Variants in HAPLN4 observed in about 807,000 individuals in gnomAD.
The protein encoded by HAPLN4 is hyaluronan and proteoglycan link protein 4.
A neutral mutation model predicts 28.0 loss-of-function variants in HAPLN4; 19 were observed. The observed-to-expected ratio is 0.68, with a 90% CI of 0.47 to 1.00. The LOEUF (loss-of-function observed/expected upper bound fraction) is 1.00, where lower values mean the gene tolerates loss of function less well. Among genes scored for constraint, HAPLN4 ranks in the 50% least tolerant of loss-of-function variants. The probability of loss-of-function intolerance (pLI) is 0.00; values close to 1 mark genes in which losing one functional copy is unlikely to be tolerated. For synonymous variants in HAPLN4, 274 were observed against 273.0 expected, an observed-to-expected ratio of 1.00 and a Z score of -0.03; for missense variants, 587 against 602.6, an observed-to-expected ratio of 0.97 and a Z score of 0.27.
chr19:19,262,741 C>T lies in HAPLN4; in HGVS notation c.-9G>A. 1 of 1,608,486 alleles carries T rather than the reference C, an allele frequency of 6.2e-7. No individual in the cohort carries two copies. The highest frequency in any genetic ancestry group is 8.5e-7 in the Non-Finnish European group (1 of 1,176,882). On this transcript the variant is annotated 5_prime_UTR_variant, in exon 1 of 5. Transcript: ENST00000291481. The stretch of plus-strand genomic sequence containing the variant: ...GCAGCCCCACTTACCATCTTGCCCG[C>T]GCGGCCCCCGCCGAGCGGCCCCTAC...
rs1345284860 is a variant in HAPLN4 at position 19,256,209 on chromosome 19, C to G, written c.*1608G>C. ...CAGGGCACGCCATAGGCTCGGTTTC[C>G]TCATTTGTAGGACGACGACAAACAT... On this transcript the variant is annotated 3_prime_UTR_variant, in exon 5 of 5. Transcript: ENST00000291481. 6.6e-6 allele frequency: 1 copy of G among 152,192 alleles called. No homozygotes were observed. The highest frequency in any genetic ancestry group is 2.4e-5 in the African/African-American group (1 of 41,428). The allele number at this position is 152,192 out of a possible 1,614,324, so 9.4% of individuals were successfully genotyped here.
intron 3 of HAPLN4, among the ~76,000 whole-genome samples, chr19:19,259,884 A>G (rs2060977656): frequency 6.6e-6 from 1 of 152,212 alleles, no homozygotes; most frequent in South Asian, 2.1e-4. Context: ...GGGTGAGCCA[A>G]TCAGAGCATC....
chr19:19,259,680 C>T (rs2060977174), intron 3 of HAPLN4, among the ~76,000 whole-genome samples: 1 of 152,162 alleles, frequency 6.6e-6, no homozygotes, highest in African/African-American at 2.4e-5. Context: ...CCTGAGAACT[C>T]TTCAACTAAG....
At position 19,260,903 on chromosome 19, in the gene HAPLN4, T is replaced by A. The variant is rs1296711944; in HGVS notation, c.394A>T (p.Asn132Tyr). 5 of 1,613,992 alleles carry A rather than the reference T, an allele frequency of 3.1e-6. No individual in the cohort carries two copies. The highest frequency in any genetic ancestry group is 4.2e-6 in the Non-Finnish European group (5 of 1,180,036). ...GPGDASLVLR[N>Y]VTLQDYGRYE... ...CGCCCGTAGTCTTGCAGCGTGACGT[T>A]GCGGAGGACCAGGGAGGCATCCCCA... The change falls in exon 3 of 5, where the codon AAC becomes TAC. Residue 132 changes from asparagine to tyrosine, a missense_variant. Physicochemically the swap from Asn to Tyr is moderately radical, Grantham distance 143 (BLOSUM62 -2). Transcript: ENST00000291481.
At chr19:19,261,414 G>A in intron 2 of HAPLN4, 32 bp downstream of exon 2, 10 of 1,573,594 alleles carry the variant, frequency 6.4e-6, no homozygotes, top group South Asian at 1.1e-5. Flanking sequence ...TGCTTTTCGC[G>A]GAGAAGACCA....
rs2060972856 is a variant in HAPLN4, at chr19:19,258,324, C to T, written c.818-116G>A. 1 of 1,234,364 alleles carries T rather than the reference C, an allele frequency of 8.1e-7. No individual in the cohort carries two copies. The highest frequency in any genetic ancestry group is 1.5e-5 in the African/African-American group (1 of 65,870). 76.5% of individuals were successfully genotyped at this position (1,234,364 alleles called of 1,614,324 possible). The stretch of plus-strand genomic sequence containing the variant: ...GGACTCTGGCCTCGGCCCCGGGATC[C>T]AGGAACAGTTCCTCCTTTGCAGCCT... On this transcript the variant is annotated intron_variant, in intron 4 of 4. Coordinates refer to ENST00000291481, the MANE Select transcript of HAPLN4 (RefSeq NM_023002.3). The surrounding 1 kb of genome is among the most constrained non-coding windows in gnomAD (Gnocchi z 6.2).
rs752365861 is a variant in HAPLN4, at chr19:19,258,815, C to T, written c.525G>A (p.Lys175=). 13 of 1,585,554 alleles carry T rather than the reference C, an allele frequency of 8.2e-6. No individual in the cohort carries two copies. The African/African-American group carries it at 1.6e-4, about 20-fold the overall frequency. Residue 175 remains lysine, a synonymous_variant, in exon 4 of 5, where the codon AAG becomes AAA. Transcript: ENST00000291481. This position sits in a 1 kb window ranked among gnomAD's most constrained non-coding sequence, Gnocchi z 6.2. The part of the protein sequence containing the change: ...FPYHPRGGRY[K]LTFAEAQRAC... The stretch of plus-strand genomic sequence containing the variant: ...CGCGCTGCGCCTCCGCGAAGGTCAG[C>T]TTGTATCGGCCTCCACGGGGGTGGT...
chr19:19,260,583 C>T (rs550003063), intron 3 of HAPLN4, among the ~76,000 whole-genome samples: 49 of 152,292 alleles, frequency 3.2e-4, no homozygotes, highest in South Asian at 2.3e-3. Context: ...CTGGCCTCTA[C>T]CCACTAGGGG....
rs1250927064 is a variant in HAPLN4 at position 19,257,652 on chromosome 19, G to A, written c.*165C>T. On this transcript the variant is annotated 3_prime_UTR_variant, in exon 5 of 5. Coordinates refer to ENST00000291481, the MANE Select transcript of HAPLN4 (RefSeq NM_023002.3). ...CCAGGGAACTCCAAAGTACTGTTCT[G>A]CCAGGACTAGCCAGTCTTCAGGGAC... The A allele has an allele frequency of 1.3e-6, 1 of 770,310 alleles. No homozygotes were observed. The highest frequency in any genetic ancestry group is 3.4e-5 in the East Asian group (1 of 29,076). 47.7% of individuals were successfully genotyped at this position (770,310 alleles called of 1,614,324 possible). A position where few individuals can be genotyped will look rare whatever the true frequency, so the allele number is the denominator to read the frequency against.
rs757635302 is a variant in HAPLN4, at chr19:19,258,723, AGGCCGTCG to A, written c.609_616del (p.Asp204GlyfsTer38). ...CAACCAGCCCGCGTTGCACCAGTCC[AGGCCGTCG>A]CGCCAGGCCGCGTGCAGCTGTTCTG... is the stretch of plus-strand genomic sequence containing the variant. On this transcript the variant is annotated frameshift_variant, in exon 4 of 5. Coordinates refer to ENST00000291481, the MANE Select transcript of HAPLN4 (RefSeq NM_023002.3). LOFTEE classifies it high-confidence loss of function. The surrounding 1 kb of genome is among the most constrained non-coding windows in gnomAD (Gnocchi z 6.2). 3 of 1,604,420 alleles carry A rather than the reference AGGCCGTCG, an allele frequency of 1.9e-6. No homozygotes were observed. The highest frequency in any genetic ancestry group is 2.5e-6 in the Non-Finnish European group (3 of 1,176,836).
In HAPLN4 at chr19:19,258,684, A is replaced by C; in HGVS notation, c.656T>G (p.Val219Gly). 1 of 1,608,794 alleles carries C rather than the reference A, an allele frequency of 6.2e-7. No homozygotes were observed. Among genetic ancestry groups the C allele is most frequent in the South Asian group, 1.1e-5 (1 of 90,736 alleles). ...CCGGGGCCGGTTCACGGGGTATTGCACTGAGCCGTCGCGCAACCAGCCCGC... is the reference window on the plus strand; with the variant it reads ...CCGGGGCCGGTTCACGGGGTATTGCCCTGAGCCGTCGCGCAACCAGCCCGC... ...CNAGWLRDGS[V>G]QYPVNRPREP... The change falls in exon 4 of 5, where the codon GTG becomes GGG. Residue 219 changes from valine (V) to glycine (G), a missense_variant. By Grantham distance (109) the Val-to-Gly change is moderately radical. Coordinates refer to ENST00000291481, the MANE Select transcript of HAPLN4 (RefSeq NM_023002.3). The surrounding 1 kb of genome is among the most constrained non-coding windows in gnomAD (Gnocchi z 6.2).
intron 3 of HAPLN4, among the ~76,000 whole-genome samples, chr19:19,260,505 C>T (rs936156769): frequency 2.0e-5 from 3 of 152,216 alleles, no homozygotes; most frequent in African/African-American, 7.2e-5. Context: ...TCGTGAGCCA[C>T]CATGCCCGGC....
Position 19,260,841 on chromosome 19 carries a change from G to A in HAPLN4, c.456C>T (p.Asp152=). The change falls in exon 3 of 5, where the codon GAC becomes GAT. Residue 152 remains aspartate (D), a synonymous_variant. Coordinates refer to ENST00000291481, the MANE Select transcript of HAPLN4 (RefSeq NM_023002.3). ...CCAGGTCCAGCTTGACCATGCCAGC[G>A]TCATCTTCCAGCTCATTGGTGACTT... ...ECEVTNELED[D]AGMVKLDLEG... is the part of the protein sequence containing the mutation. 1 of 1,612,168 alleles carries A rather than the reference G, an allele frequency of 6.2e-7. No homozygotes were observed. The highest frequency in any genetic ancestry group is 1.1e-5 in the South Asian group (1 of 91,040).
chr19:19,260,147 C>T (rs1462068683), intron 3 of HAPLN4, among the ~76,000 whole-genome samples: 1 of 152,196 alleles, frequency 6.6e-6, no homozygotes, highest in African/African-American at 2.4e-5. Flanking sequence ...TGAATCCTAT[C>T]CCAGGACTTC....
chr19:19,258,123 G>A lies in HAPLN4; in HGVS notation c.903C>T (p.Ala301=). ...ACGCGGCGAACAGCTGCCCCACCTT[G>A]GCCACGGCCGCGCCACGCGCAGCAC... ...RACAARGAAV[A]KVGQLFAAWK... Residue 301 remains alanine (A), a synonymous_variant, in exon 5 of 5, where the codon GCC becomes GCT. Transcript: ENST00000291481. The surrounding 1 kb of genome is among the most constrained non-coding windows in gnomAD (Gnocchi z 6.2). 1 of 1,549,940 alleles carries A rather than the reference G, an allele frequency of 6.5e-7. No individual in the cohort carries two copies. The highest frequency in any genetic ancestry group is 8.7e-7 in the Non-Finnish European group (1 of 1,154,700).
chr19:19,260,778 A>G lies in HAPLN4; in HGVS notation c.484+35T>C. The G allele has an allele frequency of 3.2e-6, 5 of 1,585,010 alleles. No individual in the cohort carries two copies. In the Admixed American group the frequency reaches 8.4e-5, roughly 27 times the overall value. On this transcript the variant is annotated intron_variant, in intron 3 of 4. Coordinates refer to ENST00000291481, the MANE Select transcript of HAPLN4 (RefSeq NM_023002.3). ...GCCATCCCCGCCCCCCTCCTTCCTC[A>G]GAAGCAAGGTTTATCCTCCCCACCG...
Position 19,261,051 on chromosome 19 carries a change from G to T in HAPLN4, c.246C>A (p.Val82=), listed in dbSNP as rs1033776435. Residue 82 remains valine, a synonymous_variant, in exon 3 of 5, where the codon GTC becomes GTA. Transcript: ENST00000291481. ...YEAAAHGHDG[V]RLKWTKVVDP... ...CCACCACCTTTGTCCACTTGAGCCGGACGCCGTCGTGACCGTGGGCGGCTG... is the reference window on the plus strand; with the variant it reads ...CCACCACCTTTGTCCACTTGAGCCGTACGCCGTCGTGACCGTGGGCGGCTG... The T allele has an allele frequency of 1.2e-6, 2 of 1,613,208 alleles. No individual in the cohort carries two copies. Among genetic ancestry groups the T allele is most frequent in the East Asian group, 4.5e-5 (2 of 44,884 alleles).
In HAPLN4 at chr19:19,255,738, C is replaced by T. The variant is rs1361272743; in HGVS notation, c.*2079G>A. The stretch of plus-strand genomic sequence containing the variant: ...GAACAGCCCTGGTACAGTGGGAGAA[C>T]ACAGGTTCAGAAGGAGTTTGTCACT... On this transcript the variant is annotated 3_prime_UTR_variant, in exon 5 of 5. Coordinates refer to ENST00000291481, the MANE Select transcript of HAPLN4 (RefSeq NM_023002.3). 6.6e-6 allele frequency: 1 copy of T among 152,216 alleles called. No homozygotes were observed. The highest frequency in any genetic ancestry group is 2.4e-5 in the African/African-American group (1 of 41,450). The allele number at this position is 152,216 out of a possible 1,614,324, so 9.4% of individuals were successfully genotyped here.
At chr19:19,261,751 C>T in intron 1 of HAPLN4, 188 bp from the exon 2 acceptor site, 1 of 528,528 alleles carries the variant, frequency 1.9e-6, no homozygotes, top group Non-Finnish European at 3.3e-6. Context: ...CTGCAAGAAC[C>T]CACGCCCCTA....
Sources: allele counts gnomAD v4.1 joint callset (sites outside exome capture counted in the v4.1 genomes callset), GRCh38; gene constraint gnomAD v4.1.1; non-coding constraint Gnocchi (gnomAD v3.1); transcripts MANE v1.5; gene names NCBI Gene and HGNC (gene_info 2026-07-23, HGNC 2026-07-21).